Variants in SHISA9 observed in about 807,000 individuals in gnomAD.
SHISA9 encodes shisa family member 9, also known as protein shisa-9.
A neutral mutation model predicts 38.0 loss-of-function variants in SHISA9; 13 were observed. The observed-to-expected ratio is 0.34, with a 90% CI of 0.22 to 0.54. The LOEUF is 0.54. SHISA9 is among the 20% of genes least tolerant of loss of function. The pLI, the probability that SHISA9 is intolerant of heterozygous loss-of-function variation, is 0.91. For missense variants in SHISA9, 538 were observed against 575.8 expected, an observed-to-expected ratio of 0.93 and a Z score of 0.67; for synonymous variants, 275 against 242.0, an observed-to-expected ratio of 1.14 and a Z score of -1.27.
the SHISA9 span, among the ~76,000 whole-genome samples, chr16:13,478,801 G>A: frequency 6.6e-6 from 1 of 152,180 alleles, no homozygotes; most frequent in African/African-American, 2.4e-5. Context: ...TCGAAGGCTG[G>A]ACTTGGATCT....
At chr16:13,211,936 G>A (rs1408587592) in intron 3 of SHISA9, among the ~76,000 whole-genome samples, 4 of 152,134 alleles carry the variant, frequency 2.6e-5, no homozygotes, top group African/African-American at 9.7e-5. Context: ...GAAGAGAACC[G>A]AGTCATCCTG....
At chr16:13,188,612 G>A (rs980979543) in intron 2 of SHISA9, among the ~76,000 whole-genome samples, 2 of 151,664 alleles carry the variant, frequency 1.3e-5, no homozygotes, top group African/African-American at 4.8e-5. Context: ...AGCAACTCAG[G>A]AGGCTGAGGT....
chr16:13,241,040 G>A (rs945719610), downstream of SHISA9, among the ~76,000 whole-genome samples: 2 of 152,178 alleles, frequency 1.3e-5, no homozygotes, highest in African/African-American at 4.8e-5. Flanking sequence ...CATGCTGCAG[G>A]GAAACTTTGG....
the SHISA9 span, among the ~76,000 whole-genome samples, chr16:13,367,620 A>T: frequency 7.2e-6 from 1 of 139,256 alleles, no homozygotes; most frequent in East Asian, 2.3e-4. Context: ...TTAACTCCTA[A>T]TCCTAACACA....
At chr16:13,045,322 A>G (rs1438403504) in intron 2 of SHISA9, among the ~76,000 whole-genome samples, 2 of 152,284 alleles carry the variant, frequency 1.3e-5, no homozygotes, top group East Asian at 1.9e-4. Context: ...GTACAGACAG[A>G]TGACTAGTTT....
intron 1 of SHISA9, chr16:12,908,355 A>G: frequency 6.9e-7 from 1 of 1,448,014 alleles, no homozygotes; most frequent in East Asian, 2.5e-5. Flanking sequence ...ATATGTGACT[A>G]CGTTAAATAC....
intron 4 of SHISA9, among the ~76,000 whole-genome samples, chr16:13,222,117 G>A (rs2051232080): frequency 6.6e-6 from 1 of 152,110 alleles, no homozygotes; most frequent in East Asian, 1.9e-4. Context: ...CAGATCTCAT[G>A]AGACTTATTC....
chr16:13,162,129 T>A (rs1053032639), intron 2 of SHISA9, among the ~76,000 whole-genome samples: 9 of 152,066 alleles, frequency 5.9e-5, no homozygotes, highest in African/African-American at 2.2e-4. Flanking sequence ...TATTCTCAAG[T>A]AGGTAATGTA....
chr16:12,916,782 A>G lies in SHISA9; in HGVS notation c.658A>G (p.Asn220Asp). The G allele has an allele frequency of 6.4e-7, 1 of 1,551,972 alleles. No homozygotes were observed. Among genetic ancestry groups the G allele is most frequent in the Non-Finnish European group, 8.7e-7 (1 of 1,147,042 alleles). ...NIVVHVQHYE[N>D]MDTRTPINNL... Reference sequence around the variant, plus strand: ...CGTTGTCCACGTCCAGCATTATGAGAACATGGACACGAGAACCCCCATAAA... The same window carrying G: ...CGTTGTCCACGTCCAGCATTATGAGGACATGGACACGAGAACCCCCATAAA... Residue 220 changes from asparagine to aspartate, a missense_variant, in exon 2 of 5, where the codon AAC (asparagine) becomes GAC (aspartate). By Grantham distance (23) the Asn-to-Asp change is conservative. This residue lies in a region of SHISA9 where 326 missense variants were observed against 305.9 expected (regional missense o/e 1.07). Transcript: ENST00000558583.
At chr16:13,258,906 A>G in the SHISA9 span, among the ~76,000 whole-genome samples, 1 of 152,152 alleles carries the variant, frequency 6.6e-6, no homozygotes, top group Non-Finnish European at 1.5e-5. Flanking sequence ...AAACCATATC[A>G]TTCCACCCCT....
the SHISA9 span, among the ~76,000 whole-genome samples, chr16:13,561,027 C>G: frequency 2.6e-4 from 40 of 152,068 alleles, no homozygotes; most frequent in African/African-American, 9.7e-4. Flanking sequence ...CCACTCCCGG[C>G]TAATTTTTGT....
At position 13,113,579 on chromosome 16, in the gene SHISA9, A is replaced by C. The variant is rs556951326; in HGVS notation, c.692-89815A>C. On this transcript the variant is annotated intron_variant, in intron 2 of 4. Transcript: ENST00000558583. ...GAAATAGACATTGAAGTTCTGGGAA[A>C]ATTGTCTTGCCTGAGAGGCTCATTA... Among the ~76,000 whole-genome samples the C allele has an allele frequency of 1.1e-4, 16 of 152,314 alleles. No individual in the cohort carries two copies. The South Asian group carries it at 3.3e-3, about 32-fold the overall frequency.
At chr16:13,019,664 A>T (rs1292259659) in intron 2 of SHISA9, among the ~76,000 whole-genome samples, 1 of 151,916 alleles carries the variant, frequency 6.6e-6, no homozygotes, top group African/African-American at 2.4e-5. Flanking sequence ...GTACATAGGT[A>T]AACTTGTGTC....
intron 2 of SHISA9, among the ~76,000 whole-genome samples, chr16:13,113,926 C>G (rs2074004199): frequency 6.6e-6 from 1 of 152,162 alleles, no homozygotes; most frequent in Non-Finnish European, 1.5e-5. Context: ...TTCTGTCACT[C>G]CATTATTCAT....
At chr16:13,476,356 A>T in the SHISA9 span, among the ~76,000 whole-genome samples, 7 of 152,128 alleles carry the variant, frequency 4.6e-5, no homozygotes, top group Non-Finnish European at 8.8e-5. Flanking sequence ...CCCTAATTTT[A>T]GTCTGTTAGG....
chr16:13,114,355 G>T lies in SHISA9; in HGVS notation c.692-89039G>T, dbSNP rs191433067. ...GTGGCGGGCGCCTGTAGTCCCAGCT[G>T]CTCGGGAGGCTGAGGCAGCAGAATT... On this transcript the variant is annotated intron_variant, in intron 2 of 4. Coordinates refer to ENST00000558583, the MANE Select transcript of SHISA9 (RefSeq NM_001145204.3). Among the ~76,000 whole-genome samples, 4 of 150,682 alleles carry T rather than the reference G, an allele frequency of 2.7e-5. No homozygotes were observed. The East Asian group carries it at 7.8e-4, about 30-fold the overall frequency.
At chr16:13,015,878 C>CTT (rs1555454816) in intron 2 of SHISA9, among the ~76,000 whole-genome samples, 5 of 111,862 alleles carry the variant, frequency 4.5e-5, no homozygotes, top group African/African-American at 1.5e-4. Context: ...TTCTTTCTTT[C>CTT]TTTCTTTCTT....
At chr16:13,529,410 C>T in the SHISA9 span, among the ~76,000 whole-genome samples, 17 of 152,162 alleles carry the variant, frequency 1.1e-4, no homozygotes, top group Non-Finnish European at 2.5e-4. Flanking sequence ...TAATCATTTG[C>T]AAATTAAAGG....
intron 4 of SHISA9, among the ~76,000 whole-genome samples, chr16:13,229,732 C>T (rs2051312835): frequency 6.6e-6 from 1 of 152,138 alleles, no homozygotes; most frequent in Non-Finnish European, 1.5e-5. Context: ...AGTGGGGAAA[C>T]AGATGTGAAC....
Sources: gnomAD v4.1 joint callset for allele counts (sites outside exome capture counted in the v4.1 genomes callset) on GRCh38, gnomAD v4.1.1 for gene constraint, gnomAD v4.1.1 regional missense constraint, MANE v1.5 for transcripts, NCBI Gene and HGNC (gene_info 2026-07-23, HGNC 2026-07-21) for gene names.